The following IL5RA variants were observed in gnomAD, a reference collection of about 807,000 sequenced individuals.
IL5RA encodes interleukin-5 receptor subunit alpha.
IL5RA carries 49 observed loss-of-function variants against 50.0 expected under a neutral mutation model. The ratio of observed to expected loss-of-function variants is 0.98; its 90% CI spans 0.78 to 1.24. The LOEUF (loss-of-function observed/expected upper bound fraction) is 1.24. IL5RA is among the 50% of genes most tolerant of loss of function. IL5RA has a pLI of 0.00. For missense variants in IL5RA, 600 were observed against 500.4 expected (o/e 1.20, Z -1.90); for synonymous variants, 202 against 174.0 (o/e 1.16, Z -1.26).
chr3:3,095,532 C>A, intron 7 of IL5RA, 88 bp from the exon 8 acceptor site: 2 of 1,064,200 alleles, frequency 1.9e-6, no homozygotes, highest in South Asian at 1.4e-5. Flanking sequence ...CTTCTCAAGG[C>A]ATTTCTAAGA....
intron 10 of IL5RA, 43 bp downstream of exon 10, chr3:3,076,488 A>G (rs1284684699): frequency 8.2e-7 from 1 of 1,216,540 alleles, no homozygotes; most frequent in South Asian, 1.2e-5. Flanking sequence ...AAAATGCAGT[A>G]CTGAAACCCC....
chr3:3,094,658 T>C (rs1703270377), intron 8 of IL5RA, among the ~76,000 whole-genome samples: 2 of 152,236 alleles, frequency 1.3e-5, no homozygotes, highest in Admixed American at 6.5e-5. Context: ...GGGAATTCTA[T>C]TTCTAATTTT....
At position 3,092,648 on chromosome 3, in the gene IL5RA, CTG is replaced by C. The variant is rs1216488030; in HGVS notation, c.856-288_856-287del. 6.6e-6 allele frequency among the ~76,000 whole-genome samples: 1 copy of C among 152,236 alleles called. No homozygotes were observed. The highest frequency in any genetic ancestry group is 1.5e-5 in the Non-Finnish European group (1 of 68,040). On this transcript the variant is annotated intron_variant, in intron 8 of 11. Transcript: ENST00000446632. This position sits in a 1 kb window ranked among gnomAD's most constrained non-coding sequence, Gnocchi z 4.2. ...CAGCTGATGTTTCCAGACTGAAAGACTGGAGTGGCCTATGCTAGAATGCATTA... is the reference window on the plus strand; with the variant it reads ...CAGCTGATGTTTCCAGACTGAAAGACGAGTGGCCTATGCTAGAATGCATTA...
At chr3:3,102,987 G>T (rs1271051139) in intron 3 of IL5RA, 167 bp from the exon 4 acceptor site, 3 of 517,774 alleles carry the variant, frequency 5.8e-6, no homozygotes, top group East Asian at 3.4e-5. Context: ...AGAGAAAGTG[G>T]CTATTTCTAC....
At chr3:3,087,796 C>T (rs758318981) in intron 9 of IL5RA, among the ~76,000 whole-genome samples, 10 of 152,100 alleles carry the variant, frequency 6.6e-5, no homozygotes, top group Non-Finnish European at 1.0e-4. Context: ...CTGATGGACT[C>T]CTAGCTGAGT....
intron 9 of IL5RA, among the ~76,000 whole-genome samples, chr3:3,089,460 T>C (rs17607801): frequency 0.044 from 6,722 of 152,304 alleles, 222 homozygotes; most frequent in Admixed American, 0.11. Context: ...TGCCCGAGAC[T>C]TTCCTGAAGA....
At chr3:3,074,915 G>T (rs778746390) in intron 10 of IL5RA, 49 bp from the exon 11 acceptor site, 20 of 1,117,822 alleles carry the variant, frequency 1.8e-5, no homozygotes, top group Admixed American at 5.3e-5. Flanking sequence ...TATACCTTTT[G>T]TCTCTAAATA....
chr3:3,096,079 C>T (rs1703351207), intron 7 of IL5RA, among the ~76,000 whole-genome samples: 1 of 151,972 alleles, frequency 6.6e-6, no homozygotes, highest in Non-Finnish European at 1.5e-5. Context: ...GAGATCGAAA[C>T]CATCCTGGCT....
At chr3:3,073,638 C>G in intron 11 of IL5RA, 2 of 298,302 alleles carry the variant, frequency 6.7e-6, no homozygotes, top group South Asian at 5.9e-5. Context: ...AATCACAAAC[C>G]ATTGCTGAGA....
Position 3,090,049 on chromosome 3 carries a change from G to T in IL5RA, c.994+2175C>A, listed in dbSNP as rs1574991638. ...GGTTAGAGCCCCATCCCTGCCACTT[G>T]TTGGCCATGCAGAACAGAGTTAAGC... On this transcript the variant is annotated intron_variant, in intron 9 of 11. Coordinates refer to ENST00000446632, the MANE Select transcript of IL5RA (RefSeq NM_175726.4). 9.8e-6 allele frequency: 6 copies of T among 615,326 alleles called. No homozygotes were observed. The East Asian group carries it at 1.9e-4, about 19-fold the overall frequency. The allele number at this position is 615,326 out of a possible 1,614,324, so 38.1% of individuals were successfully genotyped here.
In IL5RA at chr3:3,070,189, C is replaced by G. The variant is rs958537051; in HGVS notation, c.*36G>C. The G allele has an allele frequency of 7.5e-7, 1 of 1,338,798 alleles. No homozygotes were observed. The highest frequency in any genetic ancestry group is 1.1e-6 in the Non-Finnish European group (1 of 934,908). 82.9% of individuals were successfully genotyped at this position (1,338,798 alleles called of 1,614,324 possible). On this transcript the variant is annotated 3_prime_UTR_variant, in exon 12 of 12. Coordinates refer to ENST00000446632, the MANE Select transcript of IL5RA (RefSeq NM_175726.4). ...TGTTCTTTTCACTGAGGCACTGAGG[C>G]ATGTGTGAGTTCATCAGAGGATGCC... is the stretch of plus-strand genomic sequence containing the variant.
At position 3,074,828 on chromosome 3, in the gene IL5RA, G is replaced by A. The variant is rs1169951114; in HGVS notation, c.1130C>T (p.Ala377Val). ...GAGATCTTTGATATTACTTTTTGGT[G>A]CTGGAATTGGTGGAAACAACTTGAT... ...LWIKLFPPIP[A>V]PKSNIKDLFV... Residue 377 changes from alanine to valine, a missense_variant, in exon 11 of 12, where the codon GCA (alanine) becomes GTA (valine). Coordinates refer to ENST00000446632, the MANE Select transcript of IL5RA (RefSeq NM_175726.4). 1.1e-5 allele frequency: 17 copies of A among 1,610,822 alleles called. No individual in the cohort carries two copies. Among genetic ancestry groups the A allele is most frequent in the Non-Finnish European group, 1.4e-5 (17 of 1,177,160 alleles).
rs1468475707 is a variant in IL5RA, at chr3:3,110,165, C to G, written c.-366G>C. 1.3e-5 allele frequency: 2 copies of G among 152,218 alleles called. No individual in the cohort carries two copies. The highest frequency in any genetic ancestry group is 2.9e-5 in the Non-Finnish European group (2 of 68,052). The allele number at this position is 152,218 out of a possible 1,614,324, so 9.4% of individuals were successfully genotyped here. A position where few individuals can be genotyped will look rare whatever the true frequency, so the allele number is the denominator to read the frequency against. On this transcript the variant is annotated 5_prime_UTR_variant, in exon 1 of 12. Coordinates refer to ENST00000446632, the MANE Select transcript of IL5RA (RefSeq NM_175726.4). Reference sequence around the variant, plus strand: ...TTTGTACAGAGCAACTGTGCAGGAGCTGAACTGGAACTCCCAACAACCAAA... The same window carrying G: ...TTTGTACAGAGCAACTGTGCAGGAGGTGAACTGGAACTCCCAACAACCAAA...
At chr3:3,099,434 G>C (rs1425256175) in intron 5 of IL5RA, among the ~76,000 whole-genome samples, 1 of 152,080 alleles carries the variant, frequency 6.6e-6, no homozygotes, top group Non-Finnish European at 1.5e-5. Context: ...TTTGAAACAA[G>C]ACTGGGCAAC....
At chr3:3,098,385 C>T (rs1575003457) in intron 5 of IL5RA, 95 bp from the exon 6 acceptor site, 2 of 1,060,238 alleles carry the variant, frequency 1.9e-6, no homozygotes, top group Non-Finnish European at 2.8e-6. Context: ...ACGTCGTATT[C>T]ATCACCAAAA....
intron 3 of IL5RA, 128 bp downstream of exon 3, chr3:3,104,775 G>A: frequency 3.8e-6 from 2 of 533,164 alleles, no homozygotes; most frequent in Non-Finnish European, 6.8e-6. Flanking sequence ...CTTCTGATGG[G>A]GATAAATATT....
rs899315468 is a variant in IL5RA at position 3,101,768 on chromosome 3, A to G, written c.291T>C (p.Ser97=). ...GGTCGTTCTGCAGGATGGTCCGCAC[A>G]CTTGCTGAAAAGCCTTTGTGGAGGA... ...VTILHKGFSA[S]VRTILQNDHS... is the part of the protein sequence containing the mutation. Residue 97 remains serine (S), a synonymous_variant, in exon 5 of 12, where the codon AGT becomes AGC. Coordinates refer to ENST00000446632, the MANE Select transcript of IL5RA (RefSeq NM_175726.4). 13 of 1,614,072 alleles carry G rather than the reference A, an allele frequency of 8.1e-6. No homozygotes were observed. The Admixed American group carries it at 1.2e-4, about 14-fold the overall frequency.
At chr3:3,070,339 T>C (rs754506926) in intron 11 of IL5RA, 28 bp from the exon 12 acceptor site, 1 of 1,501,606 alleles carries the variant, frequency 6.7e-7, no homozygotes, top group South Asian at 1.2e-5. Flanking sequence ...TTTCCTTAGA[T>C]GTCTTTTAGA....
chr3:3,076,127 A>G (rs1702473761), intron 10 of IL5RA, among the ~76,000 whole-genome samples: 1 of 152,154 alleles, frequency 6.6e-6, no homozygotes, highest in Admixed American at 6.6e-5. Context: ...GCTGAGGATG[A>G]TGACATGCAG....
Sources: allele counts gnomAD v4.1 joint callset (sites outside exome capture counted in the v4.1 genomes callset), GRCh38; gene constraint gnomAD v4.1.1; non-coding constraint Gnocchi (gnomAD v3.1); transcripts MANE v1.5; gene names NCBI Gene and HGNC (gene_info 2026-07-23, HGNC 2026-07-21).